The following MYH13 variants were observed in gnomAD, a reference collection of about 807,000 sequenced individuals.
MYH13 encodes the protein myosin-13.
Under a neutral mutation model 232.1 loss-of-function variants are expected in MYH13, and 177 were observed. The ratio of observed to expected loss-of-function variants is 0.76; its 90% CI spans 0.67 to 0.86. The LOEUF is 0.86. Among genes scored for constraint, MYH13 ranks in the 40% least tolerant of loss-of-function variants. The pLI is 0.00. For missense variants in MYH13, 2,246 were observed against 2,405.9 expected (o/e 0.93, Z 1.39); for synonymous variants, 884 against 923.5 (o/e 0.96, Z 0.78).
At chr17:10,309,895 A>G in intron 33 of MYH13, 65 bp from the exon 34 acceptor site, 1 of 1,381,510 alleles carries the variant, frequency 7.2e-7, no homozygotes, top group Non-Finnish European at 9.7e-7. Context: ...GGGTATTTTC[A>G]TCCCCATACG....
intron 12 of MYH13, among the ~76,000 whole-genome samples, chr17:10,347,593 T>C (rs1236809624): frequency 6.6e-6 from 1 of 152,126 alleles, no homozygotes; most frequent in Non-Finnish European, 1.5e-5. Flanking sequence ...TTTCCTACAG[T>C]TCATGGGTTA....
chr17:10,368,329 G>C (rs1268831758), intron 2 of MYH13, among the ~76,000 whole-genome samples: 1 of 152,192 alleles, frequency 6.6e-6, no homozygotes, highest in Non-Finnish European at 1.5e-5. Flanking sequence ...CAACCACATT[G>C]TTCCTTTTGG....
intron 39 of MYH13, 49 bp downstream of exon 39, chr17:10,303,147 C>A: frequency 6.4e-7 from 1 of 1,553,892 alleles, no homozygotes; most frequent in Non-Finnish European, 8.9e-7. Context: ...CCCAGGATGC[C>A]CCAGGGACTG....
rs1302159117 is a variant in MYH13 at position 10,306,307 on chromosome 17, G to C, written c.5466+152C>G. 2.0e-5 allele frequency among the ~76,000 whole-genome samples: 3 copies of C among 149,292 alleles called. No individual in the cohort carries two copies. Among genetic ancestry groups the C allele is most frequent in the African/African-American group, 7.4e-5 (3 of 40,752 alleles). ...GAACAGGTGAAACAGAAAGAGGTGAGAAATGAAGCTCACAGGGAATTTTTC... is the reference window on the plus strand; with the variant it reads ...GAACAGGTGAAACAGAAAGAGGTGACAAATGAAGCTCACAGGGAATTTTTC... On this transcript the variant is annotated intron_variant, in intron 37 of 40. Transcript: ENST00000252172. The surrounding 1 kb of genome is among the most constrained non-coding windows in gnomAD (Gnocchi z 4.3).
intron 22 of MYH13, among the ~76,000 whole-genome samples, chr17:10,326,850 G>A (rs1049168454): frequency 1.4e-5 from 2 of 138,450 alleles, no homozygotes; most frequent in African/African-American, 2.7e-5. Flanking sequence ...GGGTCTCACT[G>A]TGTTGCCCAG....
chr17:10,303,091 C>A lies in MYH13; in HGVS notation c.5667+105G>T, dbSNP rs1210038100. ...TGTTTATAGCCTGCAAATACAAACTCAGGCCTGAGGCTCAGGGGACTTTAC... is the reference window on the plus strand; with the variant it reads ...TGTTTATAGCCTGCAAATACAAACTAAGGCCTGAGGCTCAGGGGACTTTAC... On this transcript the variant is annotated intron_variant, in intron 39 of 40. Transcript: ENST00000252172. 3 of 922,934 alleles carry A rather than the reference C, an allele frequency of 3.3e-6. No individual in the cohort carries two copies. The East Asian group carries it at 7.2e-5, about 22-fold the overall frequency. 57.2% of individuals were successfully genotyped at this position (922,934 alleles called of 1,614,324 possible). A position where few individuals can be genotyped will look rare whatever the true frequency, so the allele number is the denominator to read the frequency against.
chr17:10,324,346 A>T, intron 22 of MYH13, 82 bp from the exon 23 acceptor site: 1 of 1,545,422 alleles, frequency 6.5e-7, no homozygotes, highest in Non-Finnish European at 8.8e-7. Flanking sequence ...CTAAAAGCTT[A>T]TTATCTACAC....
intron 16 of MYH13, 147 bp downstream of exon 16, chr17:10,343,653 G>C: frequency 2.1e-6 from 2 of 947,134 alleles, no homozygotes; most frequent in South Asian, 3.9e-5. Context: ...GGAAGAATAA[G>C]AGCAGGAGGA....
At chr17:10,335,476 G>A (rs990663735) in intron 18 of MYH13, among the ~76,000 whole-genome samples, 18 of 152,178 alleles carry the variant, frequency 1.2e-4, no homozygotes, top group African/African-American at 4.1e-4. Flanking sequence ...GTACAGGCCC[G>A]GTGCGATGGC....
chr17:10,339,737 T>A (rs910157615), intron 18 of MYH13, among the ~76,000 whole-genome samples: 1 of 152,224 alleles, frequency 6.6e-6, no homozygotes, highest in African/African-American at 2.4e-5. Context: ...TGAATACTTT[T>A]TTAGAGGAAG....
rs201251488 is a variant in MYH13 at position 10,312,603 on chromosome 17, G to T, written c.4336C>A (p.Leu1446Met). Reference protein sequence around the residue: ...LERSHTACATLDKKQRNFDKV... With the variant: ...LERSHTACATMDKKQRNFDKV... The stretch of plus-strand genomic sequence containing the variant: ...TCGAAGTTCCTCTGCTTCTTGTCCA[G>T]TGTGGCACAGGCGGTGTGGGAGCGC... Residue 1446 changes from leucine (L) to methionine (M), a missense_variant, in exon 31 of 41, where the codon CTG becomes ATG. Leu to Met is a conservative substitution (Grantham distance 15, BLOSUM62 2). Transcript: ENST00000252172. The T allele has an allele frequency of 1.2e-6, 2 of 1,613,432 alleles. No homozygotes were observed. Among genetic ancestry groups the T allele is most frequent in the Non-Finnish European group, 1.7e-6 (2 of 1,179,718 alleles).
Position 10,343,829 on chromosome 17 carries a change from A to G in MYH13, c.1865T>C (p.Leu622Pro). 6.2e-7 allele frequency: 1 copy of G among 1,606,616 alleles called. No homozygotes were observed. The highest frequency in any genetic ancestry group is 8.5e-7 in the Non-Finnish European group (1 of 1,175,522). ...QKSSLKLLSFLFSNYAGAETG... is the reference protein window; with the variant it reads ...QKSSLKLLSFPFSNYAGAETG... ...CTCTGCACCAGCATAGTTGGAAAAA[A>G]GGAAGGAGAGAAGCTTCAGCGAAGA... is the stretch of plus-strand genomic sequence containing the variant. The change falls in exon 16 of 41, where the codon CTT becomes CCT. Residue 622 changes from leucine (L) to proline (P), a missense_variant. Transcript: ENST00000252172.
Position 10,306,813 on chromosome 17 carries a change from T to A in MYH13, c.5295+126A>T. 1 of 1,549,596 alleles carries A rather than the reference T, an allele frequency of 6.5e-7. No individual in the cohort carries two copies. Among genetic ancestry groups the A allele is most frequent in the East Asian group, 2.2e-5 (1 of 44,626 alleles). On this transcript the variant is annotated intron_variant, in intron 36 of 40. Transcript: ENST00000252172. The surrounding 1 kb of genome is among the most constrained non-coding windows in gnomAD (Gnocchi z 4.3). ...TGCTGAGACTGTACCTCATTACATC[T>A]GTCTGGGAAGCCACCACTAACCGAT... is the stretch of plus-strand genomic sequence containing the variant.
chr17:10,325,978 A>G (rs1907185187), intron 22 of MYH13, among the ~76,000 whole-genome samples: 2 of 152,170 alleles, frequency 1.3e-5, no homozygotes, highest in South Asian at 2.1e-4. Flanking sequence ...CCCGGCCCAT[A>G]TAAGAGTATT....
chr17:10,325,682 T>C (rs1907173037), intron 22 of MYH13, among the ~76,000 whole-genome samples: 1 of 152,190 alleles, frequency 6.6e-6, no homozygotes, highest in African/African-American at 2.4e-5. Flanking sequence ...TATTTATATA[T>C]TTGTTTATTT....
At chr17:10,357,216 C>T (rs949902542) in intron 8 of MYH13, among the ~76,000 whole-genome samples, 5 of 152,208 alleles carry the variant, frequency 3.3e-5, no homozygotes, top group African/African-American at 1.2e-4. Context: ...CCCCCCTCAG[C>T]CTCCCAAAGT....
chr17:10,358,806 T>C (rs768354276), intron 7 of MYH13, among the ~76,000 whole-genome samples: 5 of 152,120 alleles, frequency 3.3e-5, no homozygotes, highest in Admixed American at 1.3e-4. Context: ...CCACCCTAGA[T>C]CTACACAATC....
rs1441750504 is a variant in MYH13, at chr17:10,309,361, C to T, written c.5042G>A (p.Arg1681Lys). Residue 1681 changes from arginine to lysine, a missense_variant, in exon 35 of 41, where the codon AGG (arginine) becomes AAG (lysine). Arg to Lys is a conservative substitution (Grantham distance 26). Transcript: ENST00000252172. ...LKEQLAIVER[R>K]NGLLLEELEE... ...CAGCTCCTCCAGCAGGAGGCCATTC[C>T]TGCGCTCCACGATGGCCAGCTGCTC... 1 of 1,613,428 alleles carries T rather than the reference C, an allele frequency of 6.2e-7. No individual in the cohort carries two copies. Among genetic ancestry groups the T allele is most frequent in the Non-Finnish European group, 8.5e-7 (1 of 1,179,668 alleles).
In MYH13 at chr17:10,320,165, A is replaced by C. The variant is rs1906881273; in HGVS notation, c.3336T>G (p.Ile1112Met). Residue 1112 changes from isoleucine to methionine, a missense_variant, in exon 26 of 41, where the codon ATT becomes ATG. By Grantham distance (10) the Ile-to-Met change is conservative (BLOSUM62 1). Coordinates refer to ENST00000252172, the MANE Select transcript of MYH13 (RefSeq NM_003802.3). Reference sequence around the variant, plus strand: ...TTGATGCTTTTACTTGCAGTTCTTTAATCTTCTTTTGAAACTGCAAACTGT... The same window carrying C: ...TTGATGCTTTTACTTGCAGTTCTTTCATCTTCTTTTGAAACTGCAAACTGT... Reference protein sequence around the residue: ...QVHSLQFQKKIKELQARIEEL... With the variant: ...QVHSLQFQKKMKELQARIEEL... 2 of 1,588,024 alleles carry C rather than the reference A, an allele frequency of 1.3e-6. No homozygotes were observed.
Sources: allele counts gnomAD v4.1 joint callset (sites outside exome capture counted in the v4.1 genomes callset), GRCh38; gene constraint gnomAD v4.1.1; non-coding constraint Gnocchi (gnomAD v3.1); transcripts MANE v1.5; gene names NCBI Gene and HGNC (gene_info 2026-07-23, HGNC 2026-07-21).